The following KANK4 variants were observed in gnomAD, a reference collection of about 807,000 sequenced individuals.
The protein encoded by KANK4 is KN motif and ankyrin repeat domains 4, also known as KN motif and ankyrin repeat domain-containing protein 4.
KANK4 carries 50 observed loss-of-function variants against 80.8 expected under a neutral mutation model. That is an observed-to-expected ratio of 0.62 (90% CI 0.49 to 0.78). The LOEUF is 0.78. Among genes scored for constraint, KANK4 ranks in the 30% least tolerant of loss-of-function variants. KANK4 has a pLI of 0.00. For synonymous variants in KANK4, 465 were observed against 506.9 expected, an observed-to-expected ratio of 0.92 and a Z score of 1.11; for missense variants, 1,196 against 1,240.1, an observed-to-expected ratio of 0.96 and a Z score of 0.53.
rs1001632585 is a variant in KANK4, at chr1:62,246,942, G to A, written c.2883+530C>T. Among the ~76,000 whole-genome samples the A allele has an allele frequency of 5.3e-5, 8 of 152,006 alleles. No individual in the cohort carries two copies. In the East Asian group the frequency reaches 5.8e-4, roughly 11 times the overall value. On this transcript the variant is annotated intron_variant, in intron 9 of 9. Transcript: ENST00000371153. ...GGTCCAGCTAATTTTTGTATTTTTA[G>A]TAGAGATGGGGTTTCATCATGTTGG...
At chr1:62,267,237 A>C (rs553755497) in intron 5 of KANK4, among the ~76,000 whole-genome samples, 1 of 152,314 alleles carries the variant, frequency 6.6e-6, no homozygotes, top group East Asian at 1.9e-4. Flanking sequence ...TCCATACCAG[A>C]AACTTTCTTC....
chr1:62,261,273 T>A (rs938821864), intron 7 of KANK4, among the ~76,000 whole-genome samples: 1 of 151,612 alleles, frequency 6.6e-6, no homozygotes, highest in African/African-American at 2.4e-5. Flanking sequence ...ATTCTCCTGC[T>A]TCAGCCTCCT....
chr1:62,318,836 G>A (rs1461725296), intron 1 of KANK4, among the ~76,000 whole-genome samples: 1 of 152,196 alleles, frequency 6.6e-6, no homozygotes, highest in African/African-American at 2.4e-5. Flanking sequence ...TGGAAAGGGA[G>A]CGGCGCCCAC....
intron 8 of KANK4, among the ~76,000 whole-genome samples, chr1:62,251,432 C>T (rs1225837120): frequency 1.3e-5 from 2 of 152,206 alleles, no homozygotes; most frequent in Admixed American, 6.5e-5. Context: ...TCTATGATCA[C>T]TCCAGGGGAA....
At chr1:62,241,643 T>C (rs1185593238) in intron 9 of KANK4, among the ~76,000 whole-genome samples, 1 of 152,218 alleles carries the variant, frequency 6.6e-6, no homozygotes, top group Admixed American at 6.5e-5. Context: ...CGGTATTCAT[T>C]CAAGCTGATG....
intron 7 of KANK4, among the ~76,000 whole-genome samples, chr1:62,254,602 G>A (rs1671706404): frequency 6.6e-6 from 1 of 151,400 alleles, no homozygotes; most frequent in Admixed American, 6.6e-5. Flanking sequence ...CGCCCAGGCT[G>A]GAGTACAGTT....
At chr1:62,270,747 C>A (rs1046867192) in intron 4 of KANK4, among the ~76,000 whole-genome samples, 12 of 152,084 alleles carry the variant, frequency 7.9e-5, no homozygotes, top group African/African-American at 2.9e-4. Flanking sequence ...TGGTGTGACT[C>A]AAATTAGCAG....
rs550967404 is a variant in KANK4, at chr1:62,318,621, A to C, written c.-71+485T>G. Among the ~76,000 whole-genome samples, 11 of 152,278 alleles carry C rather than the reference A, an allele frequency of 7.2e-5. No individual in the cohort carries two copies. In the East Asian group the frequency reaches 2.1e-3, roughly 29 times the overall value. ...TACGGGGAGACTTTTGCGACAGGAGAGAGACTAAGAGCTCGATTCCAGGTA... is the reference window on the plus strand; with the variant it reads ...TACGGGGAGACTTTTGCGACAGGAGCGAGACTAAGAGCTCGATTCCAGGTA... On this transcript the variant is annotated intron_variant, in intron 1 of 9. Transcript: ENST00000371153.
chr1:62,315,167 G>A (rs1644529201), intron 1 of KANK4, among the ~76,000 whole-genome samples: 1 of 152,156 alleles, frequency 6.6e-6, no homozygotes, highest in Non-Finnish European at 1.5e-5. Context: ...GCACAGAGAG[G>A]TTATGGACCA....
At chr1:62,307,566 T>C (rs886532579) in intron 1 of KANK4, among the ~76,000 whole-genome samples, 2 of 151,718 alleles carry the variant, frequency 1.3e-5, no homozygotes, top group Non-Finnish European at 2.9e-5. Flanking sequence ...TAGTTTAGAA[T>C]TTCCTTTCTC....
intron 2 of KANK4, among the ~76,000 whole-genome samples, chr1:62,278,351 TCCTTCCTTCCTTCCTTCCTTCCTTCC>T: frequency 2.1e-4 from 6 of 28,960 alleles, no homozygotes; most frequent in South Asian, 1.4e-3. Context: ...CTTCCTTCCT[TCCTTCCTTCCTTCCTTCCTTCCTTCC>T]TTTCTTTCTT....
At chr1:62,307,479 C>CAAAAAA (rs3039730) in intron 1 of KANK4, among the ~76,000 whole-genome samples, 4 of 113,202 alleles carry the variant, frequency 3.5e-5, no homozygotes, top group African/African-American at 1.0e-4. Flanking sequence ...GAGACTCTGC[C>CAAAAAA]AAAAAAAAAA....
intron 3 of KANK4, chr1:62,272,380 A>G (rs975084345): frequency 6.6e-6 from 1 of 152,310 alleles, no homozygotes; most frequent in African/African-American, 2.4e-5. Context: ...ACTATACCAG[A>G]TATCAATATA....
intron 5 of KANK4, among the ~76,000 whole-genome samples, chr1:62,267,429 G>T (rs1410678914): frequency 6.6e-6 from 1 of 152,114 alleles, no homozygotes; most frequent in African/African-American, 2.4e-5. Context: ...AACCTCAAGG[G>T]ATCCTCCCAT....
rs757286801 is a variant in KANK4 at position 62,274,337 on chromosome 1, T to C, written c.767A>G (p.Asn256Ser). The change falls in exon 3 of 10, where the codon AAT (asparagine) becomes AGT (serine). Residue 256 changes from asparagine to serine, a missense_variant. This residue lies in a region of KANK4 where 1,154 missense variants were observed against 1,179.6 expected (regional missense o/e 0.98). Coordinates refer to ENST00000371153, the MANE Select transcript of KANK4 (RefSeq NM_181712.5). ...PLPGPPFSFQ[N>S]VLVVLEDKED... ...CTTGTCCTCTAGAACTACAAGCACA[T>C]TCTGGAATGAGAAAGGAGGGCCTGG... The C allele has an allele frequency of 6.2e-7, 1 of 1,614,178 alleles. No individual in the cohort carries two copies. Among genetic ancestry groups the C allele is most frequent in the African/African-American group, 1.3e-5 (1 of 75,050 alleles).
chr1:62,293,062 TTGTGTGTGTGTGTGTGTG>T (rs5774593), intron 1 of KANK4, among the ~76,000 whole-genome samples: 17,872 of 146,716 alleles, frequency 0.12, 1,247 homozygotes, highest in East Asian at 0.21. Flanking sequence ...GTCTCAATCT[TTGTGTGTGTGTGTGTGTG>T]TGTGTGTGTG....
chr1:62,312,968 A>AGT (rs1644509387), intron 1 of KANK4, among the ~76,000 whole-genome samples: 1 of 130,070 alleles, frequency 7.7e-6, no homozygotes, highest in African/African-American at 2.6e-5. Flanking sequence ...ACATCAATAC[A>AGT]GTGGTTCCCC....
At chr1:62,256,486 A>G (rs1671754220) in intron 7 of KANK4, among the ~76,000 whole-genome samples, 1 of 151,924 alleles carries the variant, frequency 6.6e-6, no homozygotes, top group Non-Finnish European at 1.5e-5. Context: ...CCCAGGTTTA[A>G]GCAATTTTCC....
intron 7 of KANK4, among the ~76,000 whole-genome samples, chr1:62,261,043 TC>T (rs1671872045): frequency 6.6e-6 from 1 of 152,038 alleles, no homozygotes; most frequent in South Asian, 2.1e-4. Context: ...CCTTTCTGCT[TC>T]CTCCACATTT....
Sources: gnomAD v4.1 joint callset for allele counts (sites outside exome capture counted in the v4.1 genomes callset) on GRCh38, gnomAD v4.1.1 for gene constraint, gnomAD v4.1.1 regional missense constraint, MANE v1.5 for transcripts, NCBI Gene and HGNC (gene_info 2026-07-23, HGNC 2026-07-21) for gene names.